Variants in ANO10 observed in about 807,000 individuals in gnomAD.
ANO10 encodes anoctamin 10, also known as anoctamin-10.
In ANO10, 77 loss-of-function variants were observed where a neutral mutation model predicts 74.7. That is an observed-to-expected ratio of 1.03 (90% CI 0.86 to 1.25). The LOEUF (loss-of-function observed/expected upper bound fraction) is 1.25. Among genes scored for constraint, ANO10 ranks in the 50% most tolerant of loss-of-function variants. ANO10 has a pLI of 0.00. For missense variants in ANO10, 721 were observed against 778.1 expected (o/e 0.93, Z 0.87); for synonymous variants, 279 against 284.9 (o/e 0.98, Z 0.21).
upstream of ANO10, among the ~76,000 whole-genome samples, chr3:43,624,696 T>C (rs1210354519): frequency 6.6e-6 from 1 of 152,202 alleles, no homozygotes; most frequent in African/African-American, 2.4e-5. Context: ...CCAGTCTCAG[T>C]TATTTCTTTA....
intron 8 of ANO10, 128 bp downstream of exon 8, chr3:43,565,525 G>C: frequency 3.6e-6 from 3 of 829,812 alleles, no homozygotes; most frequent in Non-Finnish European, 5.7e-6. Flanking sequence ...TTAGAATTTG[G>C]CTTAAAAACA....
intron 12 of ANO10, among the ~76,000 whole-genome samples, chr3:43,412,817 G>A (rs185235378): frequency 1.3e-5 from 2 of 152,236 alleles, no homozygotes; most frequent in African/African-American, 2.4e-5. Flanking sequence ...TTGGGAGGCC[G>A]AGGCAGGAGG....
chr3:43,409,975 G>A (rs2092639096), intron 12 of ANO10, among the ~76,000 whole-genome samples: 3 of 152,220 alleles, frequency 2.0e-5, no homozygotes, highest in East Asian at 1.9e-4. Flanking sequence ...AAATTGTAAG[G>A]AGGATGTAGT....
At chr3:43,674,704 A>G (rs2084100101) in intron 1 of ANO10, among the ~76,000 whole-genome samples, 1 of 152,214 alleles carries the variant, frequency 6.6e-6, no homozygotes, top group Non-Finnish European at 1.5e-5. Context: ...GGGACTGGGT[A>G]GAGAGGAAGT....
intron 1 of ANO10, among the ~76,000 whole-genome samples, chr3:43,673,500 T>G (rs919549264): frequency 2.0e-5 from 3 of 152,194 alleles, no homozygotes; most frequent in African/African-American, 7.2e-5. Flanking sequence ...ATTTTGCTCT[T>G]GGAAACTCTA....
chr3:43,485,919 C>CA, intron 11 of ANO10: 1 of 235,918 alleles, frequency 4.2e-6, no homozygotes, highest in Non-Finnish European at 8.6e-6. Context: ...GCAAAAGGTA[C>CA]AGTTTATGTC....
At chr3:43,428,052 G>A (rs1476650186) in intron 12 of ANO10, among the ~76,000 whole-genome samples, 1 of 151,530 alleles carries the variant, frequency 6.6e-6, no homozygotes, top group Non-Finnish European at 1.5e-5. Flanking sequence ...CTTTTACCCT[G>A]AACCTTTTTT....
chr3:43,406,247 G>C (rs1360190326), intron 12 of ANO10, among the ~76,000 whole-genome samples: 3 of 152,232 alleles, frequency 2.0e-5, no homozygotes, highest in Non-Finnish European at 4.4e-5. Flanking sequence ...CTGTGGGGCT[G>C]TATCTTGAGC....
intron 11 of ANO10, among the ~76,000 whole-genome samples, chr3:43,476,850 GA>G (rs61515453): frequency 0.024 from 3,604 of 152,192 alleles, 144 homozygotes; most frequent in African/African-American, 0.081. Flanking sequence ...TTTGAAAGAA[GA>G]AAGAAAACAT....
At chr3:43,566,392 C>T (rs2080347023) in intron 7 of ANO10, among the ~76,000 whole-genome samples, 2 of 152,348 alleles carry the variant, frequency 1.3e-5, no homozygotes, top group Admixed American at 6.5e-5. Context: ...AGGGCACAGA[C>T]AAACAAAAAG....
chr3:43,419,864 T>G (rs2148911123), intron 12 of ANO10, among the ~76,000 whole-genome samples: 1 of 152,314 alleles, frequency 6.6e-6, no homozygotes, highest in South Asian at 2.1e-4. Context: ...ACATATGGGT[T>G]CACTATATTA....
chr3:43,366,657 GC>G lies in ANO10; in HGVS notation c.*248del. On this transcript the variant is annotated 3_prime_UTR_variant, in exon 13 of 13. Coordinates refer to ENST00000292246, the MANE Select transcript of ANO10 (RefSeq NM_018075.5). ...TGCAGCAAAGTTGGCAGCTGGAGCA[GC>G]GTGTGGGGCCCGGGAAGGAACTGGG... 5.2e-6 allele frequency: 3 copies of G among 572,768 alleles called. No homozygotes were observed. The South Asian group carries it at 5.9e-5, about 11-fold the overall frequency. The allele number at this position is 572,768 out of a possible 1,614,324, so 35.5% of individuals were successfully genotyped here.
chr3:43,608,825 C>A (rs563813798), intron 1 of ANO10, among the ~76,000 whole-genome samples: 2 of 152,250 alleles, frequency 1.3e-5, no homozygotes, highest in African/African-American at 4.8e-5. Context: ...AAGCAGTTCT[C>A]CCTCCTCAGC....
At chr3:43,443,679 C>CTT (rs59685910) in intron 11 of ANO10, among the ~76,000 whole-genome samples, 5,006 of 121,946 alleles carry the variant, frequency 0.041, 232 homozygotes, top group Non-Finnish European at 0.057. Context: ...TTCCTTCCTT[C>CTT]TTTTTTTTTT....
At chr3:43,595,039 T>C (rs1050038289) in intron 4 of ANO10, among the ~76,000 whole-genome samples, 2 of 152,074 alleles carry the variant, frequency 1.3e-5, no homozygotes, top group Non-Finnish European at 2.9e-5. Flanking sequence ...CCTGGACACA[T>C]ACACCCTCCC....
intron 1 of ANO10, among the ~76,000 whole-genome samples, chr3:43,666,557 G>A (rs2083994762): frequency 6.6e-6 from 1 of 152,054 alleles, no homozygotes; most frequent in Non-Finnish European, 1.5e-5. Flanking sequence ...TACTCAAGAT[G>A]GGAAAGACTA....
At chr3:43,539,346 G>GA (rs906572577) in intron 11 of ANO10, among the ~76,000 whole-genome samples, 10 of 149,098 alleles carry the variant, frequency 6.7e-5, no homozygotes, top group Middle Eastern at 3.4e-3. Flanking sequence ...TTCCAACCTA[G>GA]AAAAAAAAAA....
chr3:43,675,708 CCCATCAGAATGGCTAAAATAAAAAAG>C (rs1255685895), intron 1 of ANO10, among the ~76,000 whole-genome samples: 2 of 151,938 alleles, frequency 1.3e-5, no homozygotes, highest in Non-Finnish European at 2.9e-5. Flanking sequence ...TCACTACACA[CCCATCAGAATGGCTAAAATAAAAAAG>C]CCATCAGAAT....
chr3:43,672,950 A>G (rs565607660), intron 1 of ANO10, among the ~76,000 whole-genome samples: 1 of 152,358 alleles, frequency 6.6e-6, no homozygotes, highest in Admixed American at 6.5e-5. Flanking sequence ...ATATTTGACA[A>G]TCAGCTCTCA....
Sources: allele counts gnomAD v4.1 joint callset (sites outside exome capture counted in the v4.1 genomes callset), GRCh38; gene constraint gnomAD v4.1.1; transcripts MANE v1.5; gene names NCBI Gene and HGNC (gene_info 2026-07-23, HGNC 2026-07-21).